The following SYNPR variants were observed in gnomAD, a reference collection of about 807,000 sequenced individuals.
SYNPR encodes the protein synaptoporin.
SYNPR carries 23 observed loss-of-function variants against 32.9 expected under a neutral mutation model. That is an observed-to-expected ratio of 0.70 (90% CI 0.50 to 0.99). The LOEUF is 0.99. Among genes scored for constraint, SYNPR ranks in the 50% least tolerant of loss-of-function variants. The pLI, the probability that SYNPR is intolerant of heterozygous loss-of-function variation, is 0.00. For synonymous variants in SYNPR, 146 were observed against 135.9 expected, an observed-to-expected ratio of 1.07 and a Z score of -0.52; for missense variants, 318 against 349.3, an observed-to-expected ratio of 0.91 and a Z score of 0.71.
chr3:63,260,684 C>T (rs1336758809), intron 2 of SYNPR, among the ~76,000 whole-genome samples: 8 of 151,924 alleles, frequency 5.3e-5, no homozygotes, highest in African/African-American at 1.5e-4. Context: ...GTCTAAAACA[C>T]CAAAAGCAAT....
the SYNPR span, among the ~76,000 whole-genome samples, chr3:63,219,425 A>G: frequency 6.6e-6 from 1 of 152,118 alleles, no homozygotes; most frequent in African/African-American, 2.4e-5. Context: ...CTTTTCTTCT[A>G]TTTGATATGG....
At chr3:63,335,078 G>A (rs1028782312) in intron 2 of SYNPR, among the ~76,000 whole-genome samples, 3 of 152,162 alleles carry the variant, frequency 2.0e-5, no homozygotes, top group Non-Finnish European at 4.4e-5. Context: ...TGGCAGGCCT[G>A]GCGCCGTGGC....
intron 2 of SYNPR, among the ~76,000 whole-genome samples, chr3:63,294,109 T>C (rs369266478): frequency 6.6e-6 from 1 of 152,218 alleles, no homozygotes; most frequent in Non-Finnish European, 1.5e-5. Flanking sequence ...TTATGCTGTA[T>C]GCCTCTCTTG....
At chr3:63,285,308 T>C (rs1217412456) in intron 2 of SYNPR, among the ~76,000 whole-genome samples, 1 of 152,222 alleles carries the variant, frequency 6.6e-6, no homozygotes, top group African/African-American at 2.4e-5. Flanking sequence ...TCATTTTAAA[T>C]ATGTAGAAAA....
intron 4 of SYNPR, among the ~76,000 whole-genome samples, chr3:63,565,635 A>C (rs941392719): frequency 1.3e-5 from 2 of 152,154 alleles, no homozygotes; most frequent in African/African-American, 4.8e-5. Flanking sequence ...GGACAAATTC[A>C]AATCCTAGCA....
chr3:63,434,023 G>A (rs568468015), intron 2 of SYNPR, among the ~76,000 whole-genome samples: 43 of 152,232 alleles, frequency 2.8e-4, no homozygotes, highest in African/African-American at 1.0e-3. Context: ...AGTGCTTTCA[G>A]ATGGAATCTT....
intron 3 of SYNPR, among the ~76,000 whole-genome samples, chr3:63,272,716 G>T (rs1197417148): frequency 6.6e-6 from 1 of 151,982 alleles, no homozygotes; most frequent in Admixed American, 6.6e-5. Context: ...ATCCCTCCCT[G>T]GTTTCTGTTT....
intron 4 of SYNPR, among the ~76,000 whole-genome samples, chr3:63,566,983 T>C (rs1702800431): frequency 6.6e-6 from 1 of 152,208 alleles, no homozygotes. Context: ...GGGTACACAC[T>C]CTATTGACTT....
At chr3:63,490,979 G>A (rs1346139897) in intron 3 of SYNPR, among the ~76,000 whole-genome samples, 1 of 152,040 alleles carries the variant, frequency 6.6e-6, no homozygotes, top group Non-Finnish European at 1.5e-5. Context: ...GGCAAGGCTG[G>A]TCTTGAACTC....
At chr3:63,266,966 A>G (rs967390102) in intron 2 of SYNPR, among the ~76,000 whole-genome samples, 1 of 152,160 alleles carries the variant, frequency 6.6e-6, no homozygotes, top group African/African-American at 2.4e-5. Flanking sequence ...AATACAGTCA[A>G]AAAATGCAAC....
At chr3:63,217,743 T>C in the SYNPR span, among the ~76,000 whole-genome samples, 1 of 152,168 alleles carries the variant, frequency 6.6e-6, no homozygotes, top group Non-Finnish European at 1.5e-5. Flanking sequence ...TGGGGATTTA[T>C]GAGGACAGAT....
chr3:63,539,820 T>C (rs1170416853), intron 3 of SYNPR, among the ~76,000 whole-genome samples: 3 of 152,108 alleles, frequency 2.0e-5, no homozygotes. Context: ...TGGGATCCTC[T>C]GAGAAACTGT....
chr3:63,484,360 C>G (rs993026600), intron 3 of SYNPR, among the ~76,000 whole-genome samples: 1 of 152,064 alleles, frequency 6.6e-6, no homozygotes, highest in African/African-American at 2.4e-5. Flanking sequence ...GTTCTAGATT[C>G]CATATTTTTG....
chr3:63,246,120 G>A (rs943924173), intron 1 of SYNPR, among the ~76,000 whole-genome samples: 2 of 152,004 alleles, frequency 1.3e-5, no homozygotes, highest in Admixed American at 6.6e-5. Context: ...GGGCAGACAA[G>A]GAGAACAGAC....
chr3:63,578,187 T>C (rs1312463157), intron 4 of SYNPR, among the ~76,000 whole-genome samples: 2 of 152,150 alleles, frequency 1.3e-5, no homozygotes, highest in African/African-American at 4.8e-5. Flanking sequence ...TAGTGTAAGG[T>C]GGTGATTACC....
intron 3 of SYNPR, among the ~76,000 whole-genome samples, chr3:63,506,977 T>A (rs1242009866): frequency 6.6e-6 from 1 of 151,678 alleles, no homozygotes; most frequent in African/African-American, 2.4e-5. Flanking sequence ...AACACCACAG[T>A]GCAAAAGGAA....
chr3:63,365,323 C>T (rs2087717627), intron 2 of SYNPR, among the ~76,000 whole-genome samples: 1 of 151,964 alleles, frequency 6.6e-6, no homozygotes, highest in Non-Finnish European at 1.5e-5. Context: ...TTCTATGGTC[C>T]CCAGGGTTCC....
chr3:63,275,813 T>C (rs1232496399), upstream of SYNPR, among the ~76,000 whole-genome samples: 3 of 152,112 alleles, frequency 2.0e-5, no homozygotes, highest in African/African-American at 7.2e-5. Flanking sequence ...ACAATAATAA[T>C]TATCGTTATT....
chr3:63,326,449 C>T (rs1162698922), intron 2 of SYNPR, among the ~76,000 whole-genome samples: 1 of 152,066 alleles, frequency 6.6e-6, no homozygotes, highest in Non-Finnish European at 1.5e-5. Context: ...CTGTTAGGGA[C>T]AATAATGAAG....
Sources: allele counts gnomAD v4.1 joint callset (sites outside exome capture counted in the v4.1 genomes callset), GRCh38; gene constraint gnomAD v4.1.1; transcripts MANE v1.5; gene names NCBI Gene and HGNC (gene_info 2026-07-23, HGNC 2026-07-21).